The following EXOC4 variants were observed in gnomAD, a reference collection of about 807,000 sequenced individuals.
The protein encoded by EXOC4 is exocyst complex component 4, also known as SEC8-like 1.
A neutral mutation model predicts 107.2 loss-of-function variants in EXOC4; 71 were observed. That is an observed-to-expected ratio of 0.66 (90% CI 0.55 to 0.81). The LOEUF (loss-of-function observed/expected upper bound fraction) is 0.81. Among genes scored for constraint, EXOC4 ranks in the 30% least tolerant of loss-of-function variants. The pLI is 0.00. For synonymous variants in EXOC4, 456 were observed against 441.2 expected (o/e 1.03, Z -0.42); for missense variants, 1,108 against 1,189.6 (o/e 0.93, Z 1.01).
intron 11 of EXOC4, among the ~76,000 whole-genome samples, chr7:133,881,106 C>G (rs1218261875): frequency 3.3e-5 from 5 of 152,040 alleles, no homozygotes; most frequent in Non-Finnish European, 5.9e-5. Flanking sequence ...TTAGTGACAT[C>G]AGGTTGAATT....
intron 11 of EXOC4, among the ~76,000 whole-genome samples, chr7:133,834,528 G>C (rs539016941): frequency 2.0e-5 from 3 of 152,350 alleles, no homozygotes; most frequent in Admixed American, 6.5e-5. Context: ...ACTGGCCAAG[G>C]AGGCACCCCT....
chr7:134,067,634 TATATACACAC>T (rs1258273447), downstream of EXOC4, among the ~76,000 whole-genome samples: 48 of 133,824 alleles, frequency 3.6e-4, no homozygotes, highest in South Asian at 5.8e-3. Context: ...CTTATATATA[TATATACACAC>T]ACACACACAC....
intron 9 of EXOC4, among the ~76,000 whole-genome samples, chr7:133,484,698 TA>T (rs1799233661): frequency 1.3e-5 from 2 of 152,288 alleles, no homozygotes; most frequent in South Asian, 2.1e-4. Context: ...ACTATTAACT[TA>T]AATATTAAAT....
chr7:133,294,544 T>A (rs1794476223), intron 3 of EXOC4, among the ~76,000 whole-genome samples: 1 of 152,244 alleles, frequency 6.6e-6, no homozygotes, highest in East Asian at 1.9e-4. Flanking sequence ...TTTATTTATA[T>A]GCCTTTTAAA....
chr7:133,926,042 CAAAA>C (rs552126104), intron 13 of EXOC4, among the ~76,000 whole-genome samples: 3 of 104,674 alleles, frequency 2.9e-5, no homozygotes, highest in East Asian at 2.9e-4. Context: ...GACTCCGTCT[CAAAA>C]AAAAAAAAAA....
chr7:133,654,247 G>C (rs1328410134), intron 10 of EXOC4, among the ~76,000 whole-genome samples: 2 of 152,168 alleles, frequency 1.3e-5, no homozygotes, highest in Non-Finnish European at 2.9e-5. Flanking sequence ...GAGTGAAACT[G>C]TTTAGCCCTG....
intron 11 of EXOC4, among the ~76,000 whole-genome samples, chr7:133,855,165 A>ATATATAAATATATAT (rs1563028697): frequency 7.3e-6 from 1 of 136,640 alleles, no homozygotes; most frequent in African/African-American, 3.0e-5. Flanking sequence ...AAATATATAT[A>ATATATAAATATATAT]TTTTTTTTAT....
intron 7 of EXOC4, among the ~76,000 whole-genome samples, chr7:133,391,913 T>A (rs1340596173): frequency 6.6e-6 from 1 of 152,198 alleles, no homozygotes; most frequent in Non-Finnish European, 1.5e-5. Context: ...AATGCAAATA[T>A]TAAACCTGGG....
intron 9 of EXOC4, among the ~76,000 whole-genome samples, chr7:133,497,762 G>A (rs1168269632): frequency 1.3e-5 from 2 of 152,002 alleles, no homozygotes; most frequent in East Asian, 1.9e-4. Flanking sequence ...TCTGGGAATC[G>A]AACCCTGGTC....
chr7:133,901,407 G>A (rs1025472960), intron 12 of EXOC4, among the ~76,000 whole-genome samples: 9 of 152,028 alleles, frequency 5.9e-5, no homozygotes, highest in African/African-American at 2.2e-4. Context: ...ATATTACTTA[G>A]TGCCTCAGGA....
chr7:133,575,187 A>G (rs929026409), intron 9 of EXOC4, among the ~76,000 whole-genome samples: 2 of 152,080 alleles, frequency 1.3e-5, no homozygotes, highest in African/African-American at 4.8e-5. Flanking sequence ...TTTCATTGCT[A>G]CCACATTGTC....
intron 10 of EXOC4, among the ~76,000 whole-genome samples, chr7:133,752,637 C>T (rs531884023): frequency 7.2e-5 from 11 of 152,230 alleles, no homozygotes; most frequent in African/African-American, 2.6e-4. Flanking sequence ...TAAGTGTGAT[C>T]ACTGTTTAAA....
At chr7:133,730,222 A>G (rs1795298202) in intron 10 of EXOC4, among the ~76,000 whole-genome samples, 1 of 149,370 alleles carries the variant, frequency 6.7e-6, no homozygotes, top group Non-Finnish European at 1.5e-5. Context: ...TCTGACCTAC[A>G]TTGTACAAAT....
intron 11 of EXOC4, among the ~76,000 whole-genome samples, chr7:133,837,815 A>G (rs1205539214): frequency 6.6e-6 from 1 of 152,214 alleles, no homozygotes; most frequent in African/African-American, 2.4e-5. Context: ...TTCTCTTTGG[A>G]GGTGTCTAAG....
chr7:133,845,712 C>T (rs991637297), intron 11 of EXOC4, among the ~76,000 whole-genome samples: 1 of 152,082 alleles, frequency 6.6e-6, no homozygotes, highest in Non-Finnish European at 1.5e-5. Context: ...ATAAACAAAA[C>T]TCTATATACT....
chr7:133,573,696 C>T (rs1801070724), intron 9 of EXOC4, among the ~76,000 whole-genome samples: 1 of 152,148 alleles, frequency 6.6e-6, no homozygotes, highest in Non-Finnish European at 1.5e-5. Flanking sequence ...TGTCCAGGCT[C>T]TGTTGTGCAG....
chr7:134,004,951 G>A lies in EXOC4; in HGVS notation c.2388G>A (p.Glu796=). The A allele has an allele frequency of 6.2e-7, 1 of 1,613,418 alleles. No individual in the cohort carries two copies. The highest frequency in any genetic ancestry group is 8.5e-7 in the Non-Finnish European group (1 of 1,179,574). The change falls in exon 16 of 18, where the codon GAG becomes GAA. Residue 796 remains glutamate (E), a synonymous_variant. Transcript: ENST00000253861. The part of the protein sequence containing the change: ...CFHYLIPLAK[E]GNYAIVANVE... ...ACTATCTTATCCCTCTTGCAAAGGAGGGGAACTATGCCATTGTGGCTAATG... is the reference window on the plus strand; with the variant it reads ...ACTATCTTATCCCTCTTGCAAAGGAAGGGAACTATGCCATTGTGGCTAATG...
intron 12 of EXOC4, among the ~76,000 whole-genome samples, chr7:133,915,089 A>T (rs1179577454): frequency 6.6e-6 from 1 of 152,236 alleles, no homozygotes; most frequent in Non-Finnish European, 1.5e-5. Flanking sequence ...AAAGCAGTAG[A>T]TGGGTTAAAT....
intron 14 of EXOC4, among the ~76,000 whole-genome samples, chr7:133,940,404 G>A (rs1250504585): frequency 6.6e-6 from 1 of 152,224 alleles, no homozygotes; most frequent in Non-Finnish European, 1.5e-5. Context: ...TACCACGCCT[G>A]TTAATCCTTT....
Sources: allele counts gnomAD v4.1 joint callset (sites outside exome capture counted in the v4.1 genomes callset), GRCh38; gene constraint gnomAD v4.1.1; transcripts MANE v1.5; gene names NCBI Gene and HGNC (gene_info 2026-07-23, HGNC 2026-07-21).